Variants in CDK19 observed in about 807,000 individuals in gnomAD.
CDK19 encodes cyclin-dependent kinase 19.
Under a neutral mutation model 68.3 loss-of-function variants are expected in CDK19, and 20 were observed. The observed-to-expected ratio is 0.29, with a 90% CI of 0.21 to 0.43. CDK19 has a LOEUF of 0.43. Ranked by LOEUF, CDK19 falls within the 20% of genes least tolerant of loss-of-function variation. The pLI is 1.00. For missense variants in CDK19, 339 were observed against 623.5 expected (o/e 0.54, Z 4.86); for synonymous variants, 221 against 222.8 (o/e 0.99, Z 0.07).
chr6:110,794,080 C>G (rs1174126141), intron 1 of CDK19, among the ~76,000 whole-genome samples: 1 of 152,162 alleles, frequency 6.6e-6, no homozygotes, highest in Non-Finnish European at 1.5e-5. Flanking sequence ...GAGTCTCGCT[C>G]TGTCACCCAG....
intron 2 of CDK19, among the ~76,000 whole-genome samples, chr6:110,723,209 T>C (rs1156801253): frequency 3.3e-5 from 5 of 149,706 alleles, no homozygotes; most frequent in South Asian, 2.1e-4. Flanking sequence ...CGCCAGGTTA[T>C]ACACAAGCAA....
At chr6:110,796,401 C>T (rs1781939663) in intron 1 of CDK19, among the ~76,000 whole-genome samples, 1 of 152,048 alleles carries the variant, frequency 6.6e-6, no homozygotes, top group African/African-American at 2.4e-5. Context: ...GCTTGTAATC[C>T]TAGCACTTTG....
intron 2 of CDK19, among the ~76,000 whole-genome samples, chr6:110,731,203 G>C (rs1338231782): frequency 6.6e-6 from 1 of 152,148 alleles, no homozygotes; most frequent in Non-Finnish European, 1.5e-5. Context: ...TGCTGAATGA[G>C]AATCTGCATT....
At chr6:110,686,633 G>A (rs914714857) in intron 2 of CDK19, among the ~76,000 whole-genome samples, 3 of 152,102 alleles carry the variant, frequency 2.0e-5, no homozygotes, top group Admixed American at 6.5e-5. Flanking sequence ...TTTCAAACAC[G>A]TTGGTTAAAT....
intron 12 of CDK19, among the ~76,000 whole-genome samples, chr6:110,617,410 T>C (rs1319996031): frequency 1.3e-5 from 2 of 152,062 alleles, no homozygotes; most frequent in Non-Finnish European, 2.9e-5. Flanking sequence ...CCTCAGTCTA[T>C]TAGCATCAGA....
intron 4 of CDK19, among the ~76,000 whole-genome samples, chr6:110,657,986 A>C (rs944134653): frequency 7.9e-5 from 12 of 151,772 alleles, no homozygotes; most frequent in African/African-American, 2.4e-4. Context: ...ATGAACTCAG[A>C]TGATGAAAAA....
At chr6:110,720,828 C>T (rs1042127022) in intron 2 of CDK19, among the ~76,000 whole-genome samples, 2 of 146,454 alleles carry the variant, frequency 1.4e-5, no homozygotes, top group African/African-American at 5.1e-5. Flanking sequence ...GATCACACGA[C>T]TGGCACTCCA....
Position 110,612,790 on chromosome 6 carries a change from G to A in CDK19, c.*1745C>T, listed in dbSNP as rs1778095213. On this transcript the variant is annotated 3_prime_UTR_variant, in exon 13 of 13. Coordinates refer to ENST00000368911, the MANE Select transcript of CDK19 (RefSeq NM_015076.5). The stretch of plus-strand genomic sequence containing the variant: ...GAGCACGTAACCTGCTTCATCTTCA[G>A]TCTTGATGAGTGTCACTATGCAGAC... 6.6e-6 allele frequency: 1 copy of A among 152,626 alleles called. No individual in the cohort carries two copies. Among genetic ancestry groups the A allele is most frequent in the South Asian group, 2.1e-4 (1 of 4,824 alleles). 9.5% of individuals were successfully genotyped at this position (152,626 alleles called of 1,614,324 possible).
At chr6:110,731,120 GA>G (rs1562240907) in intron 2 of CDK19, among the ~76,000 whole-genome samples, 6 of 106,656 alleles carry the variant, frequency 5.6e-5, no homozygotes, top group Non-Finnish European at 1.2e-4. Flanking sequence ...GAAAGGAAAA[GA>G]AAAGAAAAGA....
chr6:110,632,203 G>C (rs1487756239), intron 5 of CDK19, 42 bp from the exon 6 acceptor site: 1 of 1,498,700 alleles, frequency 6.7e-7, no homozygotes, highest in East Asian at 2.4e-5. Flanking sequence ...CAGTTTGATT[G>C]TTTCTCGTCC....
chr6:110,683,570 G>T (rs1772194839), intron 2 of CDK19, among the ~76,000 whole-genome samples: 1 of 152,040 alleles, frequency 6.6e-6, no homozygotes, highest in Non-Finnish European at 1.5e-5. Context: ...TTTTCTCTCT[G>T]ACTTTTAAAT....
In CDK19 at chr6:110,815,237, C is replaced by CCT. The variant is rs1428961706; in HGVS notation, c.-103_-102dup. ...CGCCGCTCCACTTCTCCAACAGCCG[C>CCT]CTCTCGCGCGCGCGCGCGCGCCGCC... is the stretch of plus-strand genomic sequence containing the variant. On this transcript the variant is annotated 5_prime_UTR_variant, in exon 1 of 13. Coordinates refer to ENST00000368911, the MANE Select transcript of CDK19 (RefSeq NM_015076.5). 2.1e-5 allele frequency: 27 copies of CCT among 1,286,232 alleles called. No homozygotes were observed. The highest frequency in any genetic ancestry group is 4.7e-5 in the African/African-American group (3 of 63,636). 79.7% of individuals were successfully genotyped at this position (1,286,232 alleles called of 1,614,324 possible). A position where few individuals can be genotyped will look rare whatever the true frequency, so the allele number is the denominator to read the frequency against.
intron 2 of CDK19, among the ~76,000 whole-genome samples, chr6:110,735,201 C>T (rs779436681): frequency 7.9e-5 from 12 of 151,628 alleles, no homozygotes; most frequent in Non-Finnish European, 1.6e-4. Context: ...CTTGCCTCAG[C>T]CTCCCAAAGT....
At chr6:110,730,070 A>C (rs1776631008) in intron 2 of CDK19, among the ~76,000 whole-genome samples, 1 of 152,274 alleles carries the variant, frequency 6.6e-6, no homozygotes, top group African/African-American at 2.4e-5. Context: ...GCCTTGCTGT[A>C]GTTTGCTATG....
chr6:110,673,602 C>T (rs1240563399), intron 2 of CDK19, among the ~76,000 whole-genome samples: 1 of 151,678 alleles, frequency 6.6e-6, no homozygotes, highest in Non-Finnish European at 1.5e-5. Context: ...GGTGGAACAG[C>T]TGGTGGGTGA....
rs1778123897 is a variant in CDK19, at chr6:110,613,341, A to C, written c.*1194T>G. On this transcript the variant is annotated 3_prime_UTR_variant, in exon 13 of 13. Coordinates refer to ENST00000368911, the MANE Select transcript of CDK19 (RefSeq NM_015076.5). ...ATGAAAAAGATTCTTGATAGAATTAAGTTTCAGTAACAACAGCAAAATTAT... is the reference window on the plus strand; with the variant it reads ...ATGAAAAAGATTCTTGATAGAATTACGTTTCAGTAACAACAGCAAAATTAT... 6.5e-6 allele frequency: 1 copy of C among 152,692 alleles called. No individual in the cohort carries two copies. Among genetic ancestry groups the C allele is most frequent in the South Asian group, 2.1e-4 (1 of 4,832 alleles). The allele number at this position is 152,692 out of a possible 1,614,324, so 9.5% of individuals were successfully genotyped here.
intron 1 of CDK19, among the ~76,000 whole-genome samples, chr6:110,768,066 C>T (rs947033562): frequency 6.6e-6 from 1 of 152,112 alleles, no homozygotes; most frequent in African/African-American, 2.4e-5. Context: ...AAACAAACAA[C>T]TCAATTAAAA....
intron 4 of CDK19, among the ~76,000 whole-genome samples, chr6:110,663,854 A>T (rs557077196): frequency 2.0e-5 from 3 of 152,284 alleles, no homozygotes; most frequent in South Asian, 4.1e-4. Flanking sequence ...AAATCTTATT[A>T]GAGTTACTCA....
intron 1 of CDK19, among the ~76,000 whole-genome samples, chr6:110,763,693 G>A (rs1448903961): frequency 6.6e-6 from 1 of 151,730 alleles, no homozygotes; most frequent in Non-Finnish European, 1.5e-5. Context: ...GGGATTACTG[G>A]CATGAGCCGC....
Sources: gnomAD v4.1 joint callset for allele counts (sites outside exome capture counted in the v4.1 genomes callset) on GRCh38, gnomAD v4.1.1 for gene constraint, MANE v1.5 for transcripts, NCBI Gene and HGNC (gene_info 2026-07-23, HGNC 2026-07-21) for gene names.